The following RGS6 variants were observed in gnomAD, a reference collection of about 807,000 sequenced individuals.
RGS6 encodes regulator of G protein signaling 6.
RGS6 carries 30 observed loss-of-function variants against 78.5 expected under a neutral mutation model. The ratio of observed to expected loss-of-function variants is 0.38; its 90% CI spans 0.29 to 0.52. RGS6 has a LOEUF of 0.52. Ranked by LOEUF, RGS6 falls within the 20% of genes least tolerant of loss-of-function variation. RGS6 has a pLI of 0.85. For missense variants in RGS6, 495 were observed against 609.7 expected (o/e 0.81, Z 1.98); for synonymous variants, 206 against 206.0 (o/e 1.00, Z 0.00).
chr14:72,137,839 TTCA>T (rs2096470001), intron 2 of RGS6, among the ~76,000 whole-genome samples: 1 of 152,156 alleles, frequency 6.6e-6, no homozygotes, highest in Non-Finnish European at 1.5e-5. Context: ...TTATGGAGGC[TTCA>T]TCACATAGGC....
At position 72,348,905 on chromosome 14, in the gene RGS6, G is replaced by A. The variant is rs1042007629; in HGVS notation, c.85-3190G>A. Among the ~76,000 whole-genome samples the A allele has an allele frequency of 7.9e-5, 12 of 152,314 alleles. No individual in the cohort carries two copies. In the East Asian group the frequency reaches 1.4e-3, roughly 17 times the overall value. ...TTTATGGCCGGGCGTGGTGGCTCAC[G>A]CCTGTAATCCCAGCACTTTGGGAGG... On this transcript the variant is annotated intron_variant, in intron 2 of 17. Coordinates refer to ENST00000553525, the MANE Select transcript of RGS6 (RefSeq NM_001204424.2).
chr14:72,046,740 A>G (rs1278660422), intron 2 of RGS6, among the ~76,000 whole-genome samples: 1 of 152,108 alleles, frequency 6.6e-6, no homozygotes, highest in African/African-American at 2.4e-5. Context: ...CTTAATGGCT[A>G]TACTTTTCAG....
chr14:72,417,125 C>T (rs2093871853), intron 3 of RGS6, among the ~76,000 whole-genome samples: 1 of 152,246 alleles, frequency 6.6e-6, no homozygotes, highest in African/African-American at 2.4e-5. Context: ...GCATGAAGGG[C>T]AGACATGAAA....
the RGS6 span, among the ~76,000 whole-genome samples, chr14:72,589,412 T>C: frequency 2.0e-5 from 3 of 152,124 alleles, no homozygotes; most frequent in East Asian, 5.8e-4. Flanking sequence ...TAGCTAAGCA[T>C]GGTGGCACAC....
chr14:72,628,914 A>C, the RGS6 span, among the ~76,000 whole-genome samples: 1 of 152,238 alleles, frequency 6.6e-6, no homozygotes, highest in African/African-American at 2.4e-5. Flanking sequence ...TGTTATTTAA[A>C]GAAGCTATAT....
intron 2 of RGS6, among the ~76,000 whole-genome samples, chr14:72,205,144 G>A (rs565414474): frequency 6.6e-6 from 1 of 152,254 alleles, no homozygotes; most frequent in East Asian, 1.9e-4. Context: ...TGTAAGGAAG[G>A]AGAAGCCTCC....
chr14:71,876,217 A>G, the RGS6 span, among the ~76,000 whole-genome samples: 5 of 151,968 alleles, frequency 3.3e-5, no homozygotes, highest in African/African-American at 7.2e-5. Context: ...TTTCTGTCTC[A>G]TTGATCTGTC....
At position 72,431,123 on chromosome 14, in the gene RGS6, G is replaced by A. The variant is rs118099865; in HGVS notation, c.185-23405G>A. ...GGGCTGCAAAAGTCCATATGTACTA[G>A]GATCTTACAGTACACTTGGAAACAA... On this transcript the variant is annotated intron_variant, in intron 3 of 17. Coordinates refer to ENST00000553525, the MANE Select transcript of RGS6 (RefSeq NM_001204424.2). Among the ~76,000 whole-genome samples the A allele has an allele frequency of 7.2e-5, 11 of 152,238 alleles. No homozygotes were observed. The East Asian group carries it at 1.9e-3, about 27-fold the overall frequency.
rs72724064 is a variant in RGS6 at position 72,345,970 on chromosome 14, C to T, written c.85-6125C>T. Among the ~76,000 whole-genome samples, 1,120 of 152,250 alleles carry T rather than the reference C, an allele frequency of 7.4e-3. 4 individuals are homozygous for T. Among genetic ancestry groups the T allele is most frequent in the Non-Finnish European group, 0.013 (891 of 68,014 alleles). On this transcript the variant is annotated intron_variant, in intron 2 of 17. Transcript: ENST00000553525. ...ATCATTTGTCAGCTCTGATTTCTGC[C>T]TCTGGGCTGATAAGATGGTGTCCGA...
intron 2 of RGS6, among the ~76,000 whole-genome samples, chr14:72,119,242 A>G (rs2095986734): frequency 6.6e-6 from 1 of 152,234 alleles, no homozygotes; most frequent in Non-Finnish European, 1.5e-5. Context: ...GGAGTCGGGT[A>G]GAGCTTTTTA....
intron 17 of RGS6, among the ~76,000 whole-genome samples, chr14:72,548,717 C>G (rs577113503): frequency 1.3e-5 from 2 of 152,142 alleles, no homozygotes; most frequent in Non-Finnish European, 2.9e-5. Context: ...TCTAGCCCCC[C>G]AGCAGACTTG....
At chr14:71,936,015 G>GATATATATATATAT (rs55686505) in intron 1 of RGS6, among the ~76,000 whole-genome samples, 6,146 of 63,256 alleles carry the variant, frequency 0.097, 628 homozygotes, top group Non-Finnish European at 0.14. Flanking sequence ...GAACTAATAG[G>GATATATATATATAT]ATATATATAT....
the RGS6 span, among the ~76,000 whole-genome samples, chr14:71,909,624 G>A: frequency 1.3e-5 from 2 of 150,064 alleles, no homozygotes; most frequent in African/African-American, 5.0e-5. Flanking sequence ...GAGAGAGGGG[G>A]GAAAGAGAGA....
intron 2 of RGS6, among the ~76,000 whole-genome samples, chr14:72,037,555 A>G (rs1386444522): frequency 1.3e-5 from 2 of 152,012 alleles, no homozygotes; most frequent in East Asian, 3.9e-4. Flanking sequence ...GAAGGAACCA[A>G]CTCCAGACAC....
intron 3 of RGS6, among the ~76,000 whole-genome samples, chr14:72,442,873 G>A (rs969648655): frequency 5.3e-5 from 8 of 152,188 alleles, no homozygotes; most frequent in South Asian, 2.1e-4. Context: ...CAGGCTTCTC[G>A]TCATATTTTG....
At position 72,032,037 on chromosome 14, in the gene RGS6, TA is replaced by T. The variant is rs1222856280; in HGVS notation, c.84+67163del. Reference sequence around the variant, plus strand: ...TAATCCTAGATTAAGTCTCCTGTTGTATAGTTTAATGGACTGCTGTATGTCT... The same window carrying T: ...TAATCCTAGATTAAGTCTCCTGTTGTTAGTTTAATGGACTGCTGTATGTCT... On this transcript the variant is annotated intron_variant, in intron 2 of 17. Coordinates refer to ENST00000553525, the MANE Select transcript of RGS6 (RefSeq NM_001204424.2). Among the ~76,000 whole-genome samples the T allele has an allele frequency of 2.0e-5, 3 of 152,326 alleles. No homozygotes were observed. The East Asian group carries it at 5.8e-4, about 29-fold the overall frequency.
chr14:72,421,450 A>C (rs2094175762), intron 3 of RGS6: 1 of 152,194 alleles, frequency 6.6e-6, no homozygotes, highest in South Asian at 2.1e-4. Context: ...GTATCACCAA[A>C]GTTCAGAATT....
At chr14:72,507,465 A>ACACCAGGATATCCTGGTGTAAGAAG (rs1319915868) in intron 13 of RGS6, among the ~76,000 whole-genome samples, 47 of 152,336 alleles carry the variant, frequency 3.1e-4, no homozygotes, top group African/African-American at 1.1e-3. Flanking sequence ...CTAAGAAGCT[A>ACACCAGGATATCCTGGTGTAAGAAG]ATACACCAGG....
At chr14:72,478,469 C>T (rs2096290761) in intron 12 of RGS6, 140 bp downstream of exon 12, 1 of 649,718 alleles carries the variant, frequency 1.5e-6, no homozygotes, top group South Asian at 1.9e-5. Context: ...GAAAAACCCA[C>T]AGGCTCCATG....
Sources: gnomAD v4.1 joint callset for allele counts (sites outside exome capture counted in the v4.1 genomes callset) on GRCh38, gnomAD v4.1.1 for gene constraint, MANE v1.5 for transcripts, NCBI Gene and HGNC (gene_info 2026-07-23, HGNC 2026-07-21) for gene names.